The following RSU1 variants were observed in gnomAD, a reference collection of about 807,000 sequenced individuals.
The protein encoded by RSU1 is Ras suppressor protein 1.
Under a neutral mutation model 31.1 loss-of-function variants are expected in RSU1, and 26 were observed. The observed-to-expected ratio is 0.84, with a 90% CI of 0.61 to 1.16. RSU1 has a LOEUF of 1.16. RSU1 is among the 50% of genes most tolerant of loss of function. RSU1 has a pLI of 0.00. For missense variants in RSU1, 320 were observed against 339.1 expected (o/e 0.94, Z 0.44); for synonymous variants, 164 against 136.3 (o/e 1.20, Z -1.41).
chr10:16,747,462 T>C (rs1836877723), intron 7 of RSU1, among the ~76,000 whole-genome samples: 1 of 151,984 alleles, frequency 6.6e-6, no homozygotes, highest in Non-Finnish European at 1.5e-5. Flanking sequence ...CTAAAATCTT[T>C]CCCAGCCTTC....
chr10:16,667,774 C>T (rs550908808), intron 8 of RSU1, among the ~76,000 whole-genome samples: 3 of 152,286 alleles, frequency 2.0e-5, no homozygotes, highest in African/African-American at 7.2e-5. Flanking sequence ...AGGCATGAGG[C>T]ACTGTGCCTG....
At chr10:16,787,708 G>T (rs1054115008) in intron 2 of RSU1, among the ~76,000 whole-genome samples, 2 of 152,204 alleles carry the variant, frequency 1.3e-5, no homozygotes, top group Admixed American at 1.3e-4. Context: ...CTGCCCCCAT[G>T]TAAGATGTCC....
chr10:16,638,616 T>C (rs1359364506), intron 8 of RSU1, among the ~76,000 whole-genome samples: 2 of 152,236 alleles, frequency 1.3e-5, no homozygotes, highest in Non-Finnish European at 2.9e-5. Context: ...TTCTCGGAGA[T>C]GGTAATGGAT....
chr10:16,755,084 G>A, intron 4 of RSU1, 95 bp from the exon 5 acceptor site: 1 of 691,952 alleles, frequency 1.4e-6, no homozygotes, highest in South Asian at 1.8e-5. Context: ...GAAAGTGTAA[G>A]ACAGTGCCAT....
intron 2 of RSU1, among the ~76,000 whole-genome samples, chr10:16,785,400 A>C (rs927443319): frequency 9.0e-6 from 1 of 111,278 alleles, no homozygotes; most frequent in Non-Finnish European, 1.7e-5. Context: ...CTCTCTCTCT[A>C]TCTTTCTATA....
At chr10:16,638,178 T>C (rs1179919806) in intron 8 of RSU1, among the ~76,000 whole-genome samples, 1 of 152,212 alleles carries the variant, frequency 6.6e-6, no homozygotes, top group East Asian at 1.9e-4. Flanking sequence ...AAGGGTTCTA[T>C]GGTCAATTAA....
intron 7 of RSU1, among the ~76,000 whole-genome samples, chr10:16,715,733 T>G (rs572778548): frequency 2.6e-5 from 4 of 152,228 alleles, no homozygotes; most frequent in Non-Finnish European, 5.9e-5. Flanking sequence ...AAATCAGGAA[T>G]TGTTAAATCC....
Position 16,645,926 on chromosome 10 carries a change from ATACACATATG to A in RSU1, c.731+49087_731+49096del. On this transcript the variant is annotated intron_variant, in intron 8 of 8. Transcript: ENST00000345264. ...CACATATATGTATATATATGTGTATATACACATATGTGTATATATATGTGTATATACATAT... is the reference window on the plus strand; with the variant it reads ...CACATATATGTATATATATGTGTATATGTATATATATGTGTATATACATAT... 1.0e-4 allele frequency among the ~76,000 whole-genome samples: 2 copies of A among 19,088 alleles called. 1 individual carries two copies. Among genetic ancestry groups the A allele is most frequent in the African/African-American group, 4.0e-4 (2 of 4,980 alleles). 12.5% of individuals were successfully genotyped at this position (19,088 alleles called of 152,430 possible).
intron 7 of RSU1, among the ~76,000 whole-genome samples, chr10:16,703,195 G>A (rs1405364451): frequency 6.6e-6 from 1 of 152,152 alleles, no homozygotes; most frequent in African/African-American, 2.4e-5. Flanking sequence ...TATACGCCAT[G>A]CAGAACTCTG....
At chr10:16,643,959 T>C (rs756141509) in intron 8 of RSU1, among the ~76,000 whole-genome samples, 2 of 152,136 alleles carry the variant, frequency 1.3e-5, no homozygotes, top group Non-Finnish European at 2.9e-5. Flanking sequence ...TTACATAACG[T>C]TGACATCATA....
intron 8 of RSU1, among the ~76,000 whole-genome samples, chr10:16,659,771 T>A (rs184042526): frequency 8.5e-5 from 13 of 152,334 alleles, no homozygotes; most frequent in African/African-American, 2.9e-4. Context: ...CAGAATTAGC[T>A]TGTCAATTTG....
At chr10:16,673,343 G>A (rs770297179) in intron 8 of RSU1, among the ~76,000 whole-genome samples, 4 of 152,226 alleles carry the variant, frequency 2.6e-5, no homozygotes, top group Non-Finnish European at 5.9e-5. Flanking sequence ...CATGAACAGA[G>A]CAGCTACAAA....
chr10:16,760,802 T>C (rs751858722), intron 4 of RSU1, among the ~76,000 whole-genome samples: 5 of 152,158 alleles, frequency 3.3e-5, no homozygotes, highest in Non-Finnish European at 1.5e-5. Flanking sequence ...CGTCTTCTTA[T>C]TGGTCTCCTA....
intron 2 of RSU1, among the ~76,000 whole-genome samples, chr10:16,790,601 G>T (rs774301430): frequency 1.3e-5 from 2 of 152,184 alleles, no homozygotes; most frequent in Non-Finnish European, 2.9e-5. Flanking sequence ...TGAGCACAGA[G>T]ATGAAAAACA....
At chr10:16,654,161 C>T (rs771650343) in intron 8 of RSU1, among the ~76,000 whole-genome samples, 68 of 151,654 alleles carry the variant, frequency 4.5e-4, no homozygotes, top group Non-Finnish European at 7.9e-4. Flanking sequence ...CACCATCACG[C>T]CCAGCTAATT....
intron 7 of RSU1, among the ~76,000 whole-genome samples, chr10:16,737,945 G>A (rs533825320): frequency 2.0e-5 from 3 of 152,266 alleles, no homozygotes; most frequent in African/African-American, 7.2e-5. Context: ...TATGAATTTT[G>A]ATCAGGACAT....
intron 2 of RSU1, among the ~76,000 whole-genome samples, chr10:16,802,513 C>G (rs1838179624): frequency 6.6e-6 from 1 of 152,080 alleles, no homozygotes; most frequent in Non-Finnish European, 1.5e-5. Context: ...AGAAATTATA[C>G]CAATTCTCTA....
chr10:16,717,488 A>G (rs1836167353), intron 7 of RSU1, among the ~76,000 whole-genome samples: 2 of 152,228 alleles, frequency 1.3e-5, no homozygotes, highest in South Asian at 2.1e-4. Flanking sequence ...AGGTTTAACA[A>G]GAATATTTCA....
intron 7 of RSU1, among the ~76,000 whole-genome samples, chr10:16,697,987 C>CTTTTTTTTTTTTTTTT (rs67816326): frequency 1.0e-5 from 1 of 99,562 alleles, no homozygotes; most frequent in African/African-American, 4.9e-5. Context: ...AGGAACACAC[C>CTTTTTTTTTTTTTTTT]TTTTTTTTTT....
Sources: gnomAD v4.1 joint callset for allele counts (sites outside exome capture counted in the v4.1 genomes callset) on GRCh38, gnomAD v4.1.1 for gene constraint, MANE v1.5 for transcripts, NCBI Gene and HGNC (gene_info 2026-07-23, HGNC 2026-07-21) for gene names.